The following ABCD4 variants were observed in gnomAD, a reference collection of about 807,000 sequenced individuals.
ABCD4 encodes lysosomal cobalamin transporter ABCD4.
Under a neutral mutation model 86.3 loss-of-function variants are expected in ABCD4, and 53 were observed. The ratio of observed to expected loss-of-function variants is 0.61; its 90% CI spans 0.49 to 0.77. The LOEUF (loss-of-function observed/expected upper bound fraction) is 0.77. Among genes scored for constraint, ABCD4 ranks in the 30% least tolerant of loss-of-function variants. The pLI is 0.00. For synonymous variants in ABCD4, 328 were observed against 313.6 expected, an observed-to-expected ratio of 1.05 and a Z score of -0.49; for missense variants, 757 against 764.5, an observed-to-expected ratio of 0.99 and a Z score of 0.12.
chr14:74,292,533 G>T lies in ABCD4; in HGVS notation c.1028+18C>A. On this transcript the variant is annotated intron_variant, in intron 10 of 18. Transcript: ENST00000356924. ...ACACACTTTGCTCAGGAGCCAGAGGGGTGGGACACGGCCTCACCTGTGCGT... is the reference window on the plus strand; with the variant it reads ...ACACACTTTGCTCAGGAGCCAGAGGTGTGGGACACGGCCTCACCTGTGCGT... 6.2e-7 allele frequency: 1 copy of T among 1,613,056 alleles called. No homozygotes were observed. The highest frequency in any genetic ancestry group is 1.1e-5 in the South Asian group (1 of 90,996).
rs1270194319 is a variant in ABCD4 at position 74,288,019 on chromosome 14, G to C, written c.1560-133C>G. The stretch of plus-strand genomic sequence containing the variant: ...AGGAGACAGAAGCCCCTTCCCTTTC[G>C]ACCATAGGCCTACAGCCCTCACAGA... On this transcript the variant is annotated intron_variant, in intron 16 of 18. Transcript: ENST00000356924. 9 of 1,069,972 alleles carry C rather than the reference G, an allele frequency of 8.4e-6. No homozygotes were observed. In the East Asian group the frequency reaches 1.3e-4, roughly 15 times the overall value. The allele number at this position is 1,069,972 out of a possible 1,614,324, so 66.3% of individuals were successfully genotyped here.
At chr14:74,286,868 G>A (rs780735017) in intron 17 of ABCD4, 52 bp from the exon 18 acceptor site, 28 of 1,537,976 alleles carry the variant, frequency 1.8e-5, no homozygotes, top group Middle Eastern at 1.9e-4. Flanking sequence ...CTCTGCCGCC[G>A]CTGCTTCTCC....
In ABCD4 at chr14:74,293,193, T is replaced by A. The variant is rs201664321; in HGVS notation, c.775A>T (p.Thr259Ser). The A allele has an allele frequency of 1.1e-4, 174 of 1,614,024 alleles. 1 individual carries two copies. Among genetic ancestry groups the A allele is most frequent in the Admixed American group, 1.3e-4 (8 of 59,998 alleles). Residue 259 changes from threonine (T) to serine (S), a missense_variant, in exon 8 of 19, where the codon ACC (threonine) becomes TCC (serine). Coordinates refer to ENST00000356924, the MANE Select transcript of ABCD4 (RefSeq NM_005050.4). ...TCCTTGGACATCAGCTCCCTCTGGG[T>A]CTGAAGGAGTCTCTGCAGCCTGCGG... ...TDRRLQRLLQ[T>S]QRELMSKELW...
Position 74,286,363 on chromosome 14 carries a change from T to C in ABCD4, c.*98A>G, listed in dbSNP as rs1430572686. Reference sequence around the variant, plus strand: ...ATGTGGCTCCTGCACGGGATCTATGTGGCGAACCTGAGCTCGATCTTCGCT... The same window carrying C: ...ATGTGGCTCCTGCACGGGATCTATGCGGCGAACCTGAGCTCGATCTTCGCT... On this transcript the variant is annotated 3_prime_UTR_variant, in exon 19 of 19. Coordinates refer to ENST00000356924, the MANE Select transcript of ABCD4 (RefSeq NM_005050.4). The C allele has an allele frequency of 1.5e-6, 2 of 1,340,018 alleles. No homozygotes were observed. Among genetic ancestry groups the C allele is most frequent in the African/African-American group, 2.9e-5 (2 of 69,576 alleles). 83.0% of individuals were successfully genotyped at this position (1,340,018 alleles called of 1,614,324 possible).
chr14:74,290,577 GC>G, intron 11 of ABCD4, 78 bp from the exon 12 acceptor site: 1 of 1,117,572 alleles, frequency 8.9e-7, no homozygotes, highest in Non-Finnish European at 1.3e-6. Context: ...GCTCCCGGGA[GC>G]CACCACCTGT....
At position 74,288,737 on chromosome 14, in the gene ABCD4, C is replaced by A. The variant is rs780274763; in HGVS notation, c.1485G>T (p.Arg495Ser). 7 of 1,613,870 alleles carry A rather than the reference C, an allele frequency of 4.3e-6. No homozygotes were observed. Among genetic ancestry groups the A allele is most frequent in the Non-Finnish European group, 5.9e-6 (7 of 1,179,936 alleles). ...TTACCAGGCCTGCCAATTCCAAGAA[C>A]CTCAAGATCCTCTCATCATCGGCAG... ...SGSADDERIL[R>S]FLELAGLSNL... The change falls in exon 15 of 19, where the codon AGG becomes AGT. Residue 495 changes from arginine to serine, a missense_variant. Arg to Ser is a moderately radical substitution (Grantham distance 110, BLOSUM62 -1). Coordinates refer to ENST00000356924, the MANE Select transcript of ABCD4 (RefSeq NM_005050.4).
At chr14:74,288,336 C>T in intron 15 of ABCD4, 77 bp from the exon 16 acceptor site, 1 of 1,411,292 alleles carries the variant, frequency 7.1e-7, no homozygotes, top group Non-Finnish European at 9.8e-7. Context: ...ACCTCCCTCA[C>T]TCCCCAGCAT....
rs917450437 is a variant in ABCD4 at position 74,285,587 on chromosome 14, T to C, written c.*874A>G. On this transcript the variant is annotated 3_prime_UTR_variant, in exon 19 of 19. Transcript: ENST00000356924. ...AAAATTATGAAGGTAAGGAAGGTAA[T>C]ACATAGACAACTGAACTGGAGGGGC... 2.6e-5 allele frequency: 4 copies of C among 152,160 alleles called. No individual in the cohort carries two copies. The highest frequency in any genetic ancestry group is 7.2e-5 in the African/African-American group (3 of 41,428). 9.4% of individuals were successfully genotyped at this position (152,160 alleles called of 1,614,324 possible).
At position 74,287,885 on chromosome 14, in the gene ABCD4, A is replaced by C; in HGVS notation, c.1561T>G (p.Tyr521Asp). ...ATCTCCCCCGGGGACAGAACATCAT[A>C]CCTGAGGAAAGGTAGGAGAGAGGAC... Reference protein sequence around the residue: ...GLDQQVDWNWYDVLSPGEMQR... With the variant: ...GLDQQVDWNWDDVLSPGEMQR... The change falls in exon 17 of 19, where the codon TAT becomes GAT. Residue 521 changes from tyrosine to aspartate, a missense_variant and splice_region_variant. Tyr to Asp is a radical substitution (Grantham distance 160, BLOSUM62 -3). Coordinates refer to ENST00000356924, the MANE Select transcript of ABCD4 (RefSeq NM_005050.4). 1 of 1,612,426 alleles carries C rather than the reference A, an allele frequency of 6.2e-7. No individual in the cohort carries two copies. Among genetic ancestry groups the C allele is most frequent in the Non-Finnish European group, 8.5e-7 (1 of 1,179,106 alleles).
chr14:74,289,237 G>T (rs1488237599), intron 14 of ABCD4: 3 of 1,347,250 alleles, frequency 2.2e-6, no homozygotes, highest in African/African-American at 3.0e-5. Flanking sequence ...ATAAGGGAAG[G>T]GGTGGGTGAA....
intron 4 of ABCD4, 189 bp from the exon 5 acceptor site, chr14:74,296,638 G>A (rs1470952870): frequency 3.5e-6 from 2 of 577,216 alleles, no homozygotes; most frequent in African/African-American, 3.8e-5. Flanking sequence ...CTTTAAACAG[G>A]GTTCTAGAGA....
In ABCD4 at chr14:74,298,117, A is replaced by C. The variant is rs748270194; in HGVS notation, c.286-48T>G. The C allele has an allele frequency of 1.9e-6, 3 of 1,598,658 alleles. No individual in the cohort carries two copies. The South Asian group carries it at 3.4e-5, about 18-fold the overall frequency. ...GGAAGGGAGAGATGGCTTCCTGAAA[A>C]TCTCAGCTCAAAGCTCAAGGCTCGC... On this transcript the variant is annotated intron_variant, in intron 3 of 18. Coordinates refer to ENST00000356924, the MANE Select transcript of ABCD4 (RefSeq NM_005050.4).
At chr14:74,290,214 T>C in intron 12 of ABCD4, 77 bp downstream of exon 12, 1 of 1,611,030 alleles carries the variant, frequency 6.2e-7, no homozygotes, top group Non-Finnish European at 8.5e-7. Context: ...AAGAATGGAT[T>C]CTACCACACC....
intron 7 of ABCD4, chr14:74,293,516 C>T (rs1314923883): frequency 2.8e-6 from 1 of 355,716 alleles, no homozygotes; most frequent in Non-Finnish European, 5.1e-6. Context: ...AGGCAGGCTA[C>T]TTAAGCCTCC....
chr14:74,290,194 C>T (rs1433689112), intron 12 of ABCD4, 76 bp from the exon 13 acceptor site: 1 of 1,610,730 alleles, frequency 6.2e-7, no homozygotes, highest in Admixed American at 1.7e-5. Flanking sequence ...TTCCTTGTTC[C>T]CCAACAGAAA....
chr14:74,298,106 G>T, intron 3 of ABCD4, 37 bp from the exon 4 acceptor site: 1 of 1,604,698 alleles, frequency 6.2e-7, no homozygotes, highest in Non-Finnish European at 8.5e-7. Context: ...GGGAGAGATG[G>T]CTTCCTGAAA....
At chr14:74,292,721 T>C (rs200258263) in intron 9 of ABCD4, 27 bp downstream of exon 9, 1 of 1,613,898 alleles carries the variant, frequency 6.2e-7, no homozygotes, top group African/African-American at 1.3e-5. Context: ...AGGGACAGCA[T>C]GTGGGGTGAC....
chr14:74,288,771 C>G lies in ABCD4; in HGVS notation c.1457-6G>C, dbSNP rs2080556134. On this transcript the variant is annotated splice_polypyrimidine_tract_variant and splice_region_variant and intron_variant, in intron 14 of 18. Transcript: ENST00000356924. Reference sequence around the variant, plus strand: ...CCTCTCATCATCGGCAGAACCTGCACAACAAAGAAGCCTTCTGCAAAAAGC... The same window carrying G: ...CCTCTCATCATCGGCAGAACCTGCAGAACAAAGAAGCCTTCTGCAAAAAGC... The G allele has an allele frequency of 1.2e-6, 2 of 1,613,158 alleles. No homozygotes were observed. Among genetic ancestry groups the G allele is most frequent in the Admixed American group, 1.7e-5 (1 of 59,906 alleles).
intron 17 of ABCD4, 61 bp downstream of exon 17, chr14:74,287,749 G>T: frequency 2.0e-6 from 3 of 1,488,512 alleles, no homozygotes; most frequent in Non-Finnish European, 2.8e-6. Context: ...GTGAACACAT[G>T]CTGCTACACC....
Sources: allele counts gnomAD v4.1 joint callset, GRCh38; gene constraint gnomAD v4.1.1; transcripts MANE v1.5; gene names NCBI Gene and HGNC (gene_info 2026-07-23, HGNC 2026-07-21).